The following MBNL3 variants were observed in gnomAD, a reference collection of about 807,000 sequenced individuals.
The protein encoded by MBNL3 is muscleblind like splicing regulator 3, also known as muscleblind-like protein 3.
A neutral mutation model predicts 24.5 loss-of-function variants in MBNL3; 6 were observed. That is an observed-to-expected ratio of 0.25 (90% CI 0.13 to 0.48). MBNL3 has a LOEUF of 0.48. MBNL3 is among the 20% of genes least tolerant of loss of function. MBNL3 has a pLI of 0.99. For missense variants in MBNL3, 230 were observed against 293.5 expected (o/e 0.78, Z 1.58); for synonymous variants, 100 against 101.7 (o/e 0.98, Z 0.10).
At position 132,463,188 on chromosome X, in the gene MBNL3, G is replaced by GC. The variant is rs1006056436; in HGVS notation, c.-703-22875dup. On this transcript the variant is annotated intron_variant, in intron 1 of 8. Coordinates refer to ENST00000370853, the MANE Select transcript of MBNL3 (RefSeq NM_001386889.1). Reference sequence around the variant, plus strand: ...TTGAATATTTATATTGAGGCGGGGCGCCGTGGCTCATGCCTGTAATCTCAG... The same window carrying GC: ...TTGAATATTTATATTGAGGCGGGGCGCCCGTGGCTCATGCCTGTAATCTCAG... Among the ~76,000 whole-genome samples the GC allele has an allele frequency of 1.4e-4, 16 of 112,404 alleles. 1 individual carries two copies. Among genetic ancestry groups the GC allele is most frequent in the Non-Finnish European group, 3.8e-5 (2 of 53,247 alleles).
chrX:132,411,231 A>C, intron 2 of MBNL3: 1 of 753,807 alleles, frequency 1.3e-6, no homozygotes, highest in Non-Finnish European at 1.6e-6. Context: ...GACACATCCC[A>C]TACACACATA....
At chrX:132,441,966 CATT>C (rs199801830) in intron 1 of MBNL3, among the ~76,000 whole-genome samples, 1,349 of 111,749 alleles carry the variant, frequency 0.012, 26 homozygotes, top group African/African-American at 0.042. Context: ...ACCTTGAAAA[CATT>C]ATGTTAAGTG....
chrX:132,392,443 T>C (rs778598846), intron 3 of MBNL3, 109 bp from the exon 4 acceptor site: 191 of 612,809 alleles, frequency 3.1e-4, no homozygotes, highest in Non-Finnish European at 4.3e-4. Context: ...CACATCAAAA[T>C]TTACTATTGT....
intron 2 of MBNL3, among the ~76,000 whole-genome samples, chrX:132,416,520 A>G (rs1395148510): frequency 9.0e-6 from 1 of 111,717 alleles, no homozygotes; most frequent in African/African-American, 3.3e-5. Flanking sequence ...AGTATTCAGT[A>G]GCACAATAGG....
chrX:132,431,515 A>G (rs1944731614), intron 2 of MBNL3: 1 of 111,682 alleles, frequency 9.0e-6, no homozygotes, highest in Admixed American at 9.5e-5. Flanking sequence ...CCCTTTCTCT[A>G]GCACTTTCTT....
rs898275849 is a variant in MBNL3, at chrX:132,372,133, G to A, written c.*7533C>T. On this transcript the variant is annotated 3_prime_UTR_variant, in exon 9 of 9. Coordinates refer to ENST00000370853, the MANE Select transcript of MBNL3 (RefSeq NM_001386889.1). ...CTATAACTTGAAAAAAAATCAAAGC[G>A]TCTGCAGTTGAGGGAATGAGCTATT... is the stretch of plus-strand genomic sequence containing the variant. 4 of 110,326 alleles carry A rather than the reference G, an allele frequency of 3.6e-5. No homozygotes were observed. Among genetic ancestry groups the A allele is most frequent in the Non-Finnish European group, 7.6e-5 (4 of 52,627 alleles). 9.1% of individuals were successfully genotyped at this position (110,326 alleles called of 1,213,427 possible). A position where few individuals can be genotyped will look rare whatever the true frequency, so the allele number is the denominator to read the frequency against.
intron 6 of MBNL3, among the ~76,000 whole-genome samples, chrX:132,385,889 C>A (rs1270034148): frequency 5.5e-5 from 5 of 90,682 alleles, no homozygotes; most frequent in Non-Finnish European, 6.6e-5. Flanking sequence ...ACCATTGTGT[C>A]AAAAAAAAAA....
chrX:132,476,752 A>G (rs1947460784), intron 1 of MBNL3, among the ~76,000 whole-genome samples: 1 of 112,118 alleles, frequency 8.9e-6, no homozygotes, highest in Non-Finnish European at 1.9e-5. Flanking sequence ...TCCCTCTCAC[A>G]GAGCTTTTGC....
At chrX:132,394,131 A>G (rs983115566) in intron 3 of MBNL3, among the ~76,000 whole-genome samples, 36 of 111,717 alleles carry the variant, frequency 3.2e-4, no homozygotes, top group African/African-American at 1.1e-3. Flanking sequence ...GGTTGCCAAG[A>G]GCCTTAAGTG....
At position 132,374,939 on chromosome X, in the gene MBNL3, A is replaced by G. The variant is rs1288675631; in HGVS notation, c.*4727T>C. On this transcript the variant is annotated 3_prime_UTR_variant, in exon 9 of 9. Coordinates refer to ENST00000370853, the MANE Select transcript of MBNL3 (RefSeq NM_001386889.1). ...AAGTTAGGTAATGTATTAAAAATGCAATGATTGCGTTTTGAAGTCTAAATA... is the reference window on the plus strand; with the variant it reads ...AAGTTAGGTAATGTATTAAAAATGCGATGATTGCGTTTTGAAGTCTAAATA... 8.9e-6 allele frequency: 1 copy of G among 111,955 alleles called. No homozygotes were observed. The highest frequency in any genetic ancestry group is 1.9e-5 in the Non-Finnish European group (1 of 52,993). The allele number at this position is 111,955 out of a possible 1,213,427, so 9.2% of individuals were successfully genotyped here.
At chrX:132,446,412 A>G (rs1418403070) in intron 1 of MBNL3, among the ~76,000 whole-genome samples, 2 of 112,166 alleles carry the variant, frequency 1.8e-5, no homozygotes, top group African/African-American at 6.5e-5. Flanking sequence ...ACATCCACCA[A>G]CAGTGAAAAA....
At chrX:132,458,321 A>T (rs1206352570) in intron 1 of MBNL3, among the ~76,000 whole-genome samples, 1 of 110,068 alleles carries the variant, frequency 9.1e-6, no homozygotes, top group Non-Finnish European at 1.9e-5. Context: ...AAAAAAAAAA[A>T]CTTATGTGTA....
At chrX:132,398,890 GC>G (rs1245253410) in intron 3 of MBNL3, among the ~76,000 whole-genome samples, 1 of 110,892 alleles carries the variant, frequency 9.0e-6, no homozygotes, top group African/African-American at 3.3e-5. Flanking sequence ...AAAAAGAAAG[GC>G]CCAAAGCTAC....
chrX:132,426,694 A>G (rs184716375), intron 2 of MBNL3, among the ~76,000 whole-genome samples: 7 of 111,626 alleles, frequency 6.3e-5, no homozygotes, highest in African/African-American at 2.3e-4. Flanking sequence ...CCACTGCTGA[A>G]TATAATCCCA....
Position 132,369,503 on chromosome X carries a change from C to T in MBNL3, c.*10163G>A, listed in dbSNP as rs1933427486. 9.0e-6 allele frequency: 1 copy of T among 111,213 alleles called. No individual in the cohort carries two copies. Among genetic ancestry groups the T allele is most frequent in the Non-Finnish European group, 1.9e-5 (1 of 53,001 alleles). The allele number at this position is 111,213 out of a possible 1,213,427, so 9.2% of individuals were successfully genotyped here. On this transcript the variant is annotated 3_prime_UTR_variant, in exon 9 of 9. Coordinates refer to ENST00000370853, the MANE Select transcript of MBNL3 (RefSeq NM_001386889.1). ...AAGGTTAAAGGCAAAGTCTTAGTCC[C>T]CATCTTATGCTTTCCCACCCTCTTC...
intron 6 of MBNL3, among the ~76,000 whole-genome samples, chrX:132,385,317 G>A (rs1434903152): frequency 3.6e-5 from 4 of 111,493 alleles, no homozygotes; most frequent in Non-Finnish European, 7.5e-5. Flanking sequence ...GTAGTATTAA[G>A]AAAAACTATG....
At chrX:132,411,016 C>T (rs1193100288) in intron 2 of MBNL3, among the ~76,000 whole-genome samples, 3 of 112,129 alleles carry the variant, frequency 2.7e-5, no homozygotes, top group Non-Finnish European at 5.6e-5. Flanking sequence ...CCTTAAAATT[C>T]TGCATACAAC....
chrX:132,455,973 A>C (rs1238188982), intron 1 of MBNL3, among the ~76,000 whole-genome samples: 1 of 111,786 alleles, frequency 8.9e-6, no homozygotes, highest in Non-Finnish European at 1.9e-5. Flanking sequence ...TTGCCTCTCT[A>C]CTACAAGTTG....
chrX:132,422,511 C>T (rs189239008), intron 2 of MBNL3, among the ~76,000 whole-genome samples: 1 of 111,843 alleles, frequency 8.9e-6, no homozygotes, highest in Non-Finnish European at 1.9e-5. Context: ...CATGCAATAC[C>T]TCTCAGAGCC....
Sources: allele counts gnomAD v4.1 joint callset (sites outside exome capture counted in the v4.1 genomes callset), GRCh38; gene constraint gnomAD v4.1.1; transcripts MANE v1.5; gene names NCBI Gene and HGNC (gene_info 2026-07-23, HGNC 2026-07-21).